The following KMT2C variants were observed in gnomAD, a reference collection of about 807,000 sequenced individuals.
The protein encoded by KMT2C is histone-lysine N-methyltransferase 2C.
Under a neutral mutation model 507.9 loss-of-function variants are expected in KMT2C, and 88 were observed. That is an observed-to-expected ratio of 0.17 (90% CI 0.15 to 0.21). KMT2C has a LOEUF of 0.21. Ranked by LOEUF, KMT2C falls within the 10% of genes least tolerant of loss-of-function variation. The pLI is 1.00. For synonymous variants in KMT2C, 2,049 were observed against 2,080.8 expected (o/e 0.98, Z 0.42); for missense variants, 4,954 against 5,957.8 (o/e 0.83, Z 5.55).
rs545851382 is a variant in KMT2C, at chr7:152,264,064, T to G, written c.1185-934A>C. Among the ~76,000 whole-genome samples the G allele has an allele frequency of 5.3e-5, 8 of 152,306 alleles. No homozygotes were observed. In the East Asian group the frequency reaches 1.5e-3, roughly 29 times the overall value. On this transcript the variant is annotated intron_variant, in intron 8 of 58. Coordinates refer to ENST00000262189, the MANE Select transcript of KMT2C (RefSeq NM_170606.3). Reference sequence around the variant, plus strand: ...TCTCCTCAGCTACGTGGAAAGATCTTGGAGGACAAGTACTCTTCCTTCAAG... The same window carrying G: ...TCTCCTCAGCTACGTGGAAAGATCTGGGAGGACAAGTACTCTTCCTTCAAG...
At chr7:152,160,421 G>A (rs1454307885) in intron 43 of KMT2C, among the ~76,000 whole-genome samples, 1 of 151,934 alleles carries the variant, frequency 6.6e-6, no homozygotes, top group African/African-American at 2.4e-5. Context: ...CTTTAGCTTT[G>A]AGAATCACCT....
chr7:152,423,757 C>T (rs1038745162), intron 1 of KMT2C, among the ~76,000 whole-genome samples: 4 of 152,086 alleles, frequency 2.6e-5, no homozygotes, highest in Non-Finnish European at 4.4e-5. Context: ...CTGATATACC[C>T]GGCTGTTAAG....
chr7:152,433,525 C>A (rs1232992437), intron 1 of KMT2C, among the ~76,000 whole-genome samples: 2 of 152,060 alleles, frequency 1.3e-5, no homozygotes, highest in African/African-American at 4.8e-5. Context: ...TCAAAAAAAA[C>A]GCTCTAAAAA....
At chr7:152,363,304 C>T (rs2097211455) in intron 1 of KMT2C, among the ~76,000 whole-genome samples, 1 of 152,142 alleles carries the variant, frequency 6.6e-6, no homozygotes, top group Non-Finnish European at 1.5e-5. Flanking sequence ...GTGTTCTTCA[C>T]TTCACTTTAT....
chr7:152,417,845 C>G (rs1235550133), intron 1 of KMT2C, among the ~76,000 whole-genome samples: 1 of 150,944 alleles, frequency 6.6e-6, no homozygotes, highest in Non-Finnish European at 1.5e-5. Flanking sequence ...GGTTTCACCA[C>G]GTTAGCCAGG....
chr7:152,157,906 A>C (rs1172221202), intron 44 of KMT2C: 1 of 1,335,556 alleles, frequency 7.5e-7, no homozygotes, highest in South Asian at 1.2e-5. Flanking sequence ...TGGTTCCATT[A>C]GAGGGAGCAG....
Position 152,244,405 on chromosome 7 carries a change from G to A in KMT2C, c.2532+3497C>T, listed in dbSNP as rs148034481. Among the ~76,000 whole-genome samples, 141 of 152,238 alleles carry A rather than the reference G, an allele frequency of 9.3e-4. 1 individual carries two copies. The East Asian group carries it at 0.026, about 28-fold the overall frequency. Reference sequence around the variant, plus strand: ...AAAAATGCTGAAAAATGGGCCAGGCGCTGTGGGGCTCACACCTGTAATCCC... The same window carrying A: ...AAAAATGCTGAAAAATGGGCCAGGCACTGTGGGGCTCACACCTGTAATCCC... On this transcript the variant is annotated intron_variant, in intron 14 of 58. Coordinates refer to ENST00000262189, the MANE Select transcript of KMT2C (RefSeq NM_170606.3).
intron 23 of KMT2C, among the ~76,000 whole-genome samples, chr7:152,218,071 T>A (rs1046701211): frequency 6.6e-6 from 1 of 152,224 alleles, no homozygotes; most frequent in African/African-American, 2.4e-5. Context: ...ATCAGTTACA[T>A]ACAAGCATCA....
chr7:152,354,564 T>G (rs1175647664), intron 2 of KMT2C, among the ~76,000 whole-genome samples: 2 of 152,182 alleles, frequency 1.3e-5, no homozygotes, highest in African/African-American at 4.8e-5. Context: ...AAGTGACAAG[T>G]GTTACTTTTT....
intron 1 of KMT2C, chr7:152,367,101 G>C: frequency 1.2e-6 from 1 of 852,354 alleles, no homozygotes; most frequent in South Asian, 1.5e-5. Flanking sequence ...ATCCAGAGAA[G>C]GAACAGGAAG....
chr7:152,408,608 G>A (rs534722757), intron 1 of KMT2C, among the ~76,000 whole-genome samples: 86 of 152,236 alleles, frequency 5.6e-4, no homozygotes, highest in African/African-American at 2.0e-3. Flanking sequence ...ATTGTGAACT[G>A]CACAAGCAAG....
intron 9 of KMT2C, among the ~76,000 whole-genome samples, chr7:152,255,408 C>T (rs778276852): frequency 1.3e-5 from 2 of 151,794 alleles, no homozygotes; most frequent in Non-Finnish European, 2.9e-5. Context: ...TCAAGCAACA[C>T]CCCTGCCTTG....
intron 1 of KMT2C, among the ~76,000 whole-genome samples, chr7:152,421,118 G>A (rs1211674625): frequency 2.0e-5 from 3 of 151,934 alleles, no homozygotes; most frequent in Admixed American, 2.0e-4. Flanking sequence ...GAAGACATAT[G>A]TGGCCAACAA....
chr7:152,305,280 T>C (rs1424379329), intron 6 of KMT2C, among the ~76,000 whole-genome samples: 1 of 152,112 alleles, frequency 6.6e-6, no homozygotes, highest in Admixed American at 6.6e-5. Flanking sequence ...AAAAAGCAGA[T>C]ATTATGGGAA....
At chr7:152,300,037 A>T (rs944113883) in intron 6 of KMT2C, among the ~76,000 whole-genome samples, 13 of 152,210 alleles carry the variant, frequency 8.5e-5, no homozygotes, top group African/African-American at 3.1e-4. Context: ...TACTCTGCTC[A>T]AAGTTACAAA....
In KMT2C at chr7:152,181,323, T is replaced by C. The variant is rs1444918990; in HGVS notation, c.6537A>G (p.Gln2179=). Residue 2179 remains glutamine (Q), a synonymous_variant, in exon 36 of 59, where the codon CAA becomes CAG. Coordinates refer to ENST00000262189, the MANE Select transcript of KMT2C (RefSeq NM_170606.3). ...CAGTTTGTGTAGATGGTCTTGGGGT[T>C]TGGGGCTGCTGACTATATGGGTCAA... ...TTVDPYSQQP[Q]TPRPSTQTDL... 1.9e-6 allele frequency: 3 copies of C among 1,611,902 alleles called. No individual in the cohort carries two copies. The highest frequency in any genetic ancestry group is 1.3e-5 in the African/African-American group (1 of 74,160).
chr7:152,290,252 GTATGTGTA>G (rs1177157158), intron 6 of KMT2C, among the ~76,000 whole-genome samples: 1 of 57,944 alleles, frequency 1.7e-5, no homozygotes, highest in Non-Finnish European at 2.9e-5. Context: ...GTGTGTGTGT[GTATGTGTA>G]TATATATATA....
chr7:152,297,516 G>A (rs1192826845), intron 6 of KMT2C, among the ~76,000 whole-genome samples: 1 of 152,290 alleles, frequency 6.6e-6, no homozygotes, highest in African/African-American at 2.4e-5. Flanking sequence ...CTCATACAAA[G>A]CCAGGAATAG....
chr7:152,177,391 T>C lies in KMT2C; in HGVS notation c.8062A>G (p.Lys2688Glu), dbSNP rs2129114728. Reference sequence around the variant, plus strand: ...ACAGAAGGGTCATCAGAATCAAGTTTTTCCTCTAGACCATCAGAAGGCTGG... The same window carrying C: ...ACAGAAGGGTCATCAGAATCAAGTTCTTCCTCTAGACCATCAGAAGGCTGG... Reference protein sequence around the residue: ...TTQPSDGLEEKLDSDDPSVKE... With the variant: ...TTQPSDGLEEELDSDDPSVKE... Residue 2688 changes from lysine to glutamate, a missense_variant, in exon 38 of 59, where the codon AAA becomes GAA. By Grantham distance (56) the Lys-to-Glu change is moderately conservative (BLOSUM62 1). Coordinates refer to ENST00000262189, the MANE Select transcript of KMT2C (RefSeq NM_170606.3). 4 of 1,614,234 alleles carry C rather than the reference T, an allele frequency of 2.5e-6. No individual in the cohort carries two copies. The highest frequency in any genetic ancestry group is 3.4e-6 in the Non-Finnish European group (4 of 1,180,042).
Sources: gnomAD v4.1 joint callset for allele counts (sites outside exome capture counted in the v4.1 genomes callset) on GRCh38, gnomAD v4.1.1 for gene constraint, MANE v1.5 for transcripts, NCBI Gene and HGNC (gene_info 2026-07-23, HGNC 2026-07-21) for gene names.